FCRL4: variants seen among roughly 807,000 people sequenced by gnomAD.
FCRL4 encodes Fc receptor like 4, also known as Fc receptor-like protein 4.
In FCRL4, 43 loss-of-function variants were observed where a neutral mutation model predicts 64.1. The ratio of observed to expected loss-of-function variants is 0.67; its 90% CI spans 0.53 to 0.87. FCRL4 has a LOEUF of 0.87. Among genes scored for constraint, FCRL4 ranks in the 40% least tolerant of loss-of-function variants. The probability of loss-of-function intolerance (pLI) is 0.00; values close to 1 mark genes in which losing one functional copy is unlikely to be tolerated. For synonymous variants in FCRL4, 253 were observed against 239.8 expected, an observed-to-expected ratio of 1.05 and a Z score of -0.51; for missense variants, 656 against 613.5, an observed-to-expected ratio of 1.07 and a Z score of -0.73.
At position 157,586,253 on chromosome 1, in the gene FCRL4, T is replaced by G. The variant is rs1244389310; in HGVS notation, c.1050A>C (p.Arg350Ser). 1 of 1,614,130 alleles carries G rather than the reference T, an allele frequency of 6.2e-7. No individual in the cohort carries two copies. Among genetic ancestry groups the G allele is most frequent in the African/African-American group, 1.3e-5 (1 of 75,024 alleles). Residue 350 changes from arginine (R) to serine (S), a missense_variant, in exon 6 of 12, where the codon AGA (arginine) becomes AGC (serine). Transcript: ENST00000271532. Reference protein sequence around the residue: ...LRAELELPAIRQSHAGGYYCT... With the variant: ...LRAELELPAISQSHAGGYYCT... ...AGTAGTATCCCCCTGCATGGCTCTG[T>G]CTGATGGCAGGGAGCTCCAGCTCTG...
chr1:157,579,675 C>A (rs1652511622), intron 8 of FCRL4, among the ~76,000 whole-genome samples: 1 of 151,660 alleles, frequency 6.6e-6, no homozygotes, highest in African/African-American at 2.4e-5. Flanking sequence ...TAAGATCGTG[C>A]CACTGCACTC....
At chr1:157,577,081 G>C (rs904129376) in intron 10 of FCRL4, among the ~76,000 whole-genome samples, 2 of 152,216 alleles carry the variant, frequency 1.3e-5, no homozygotes, top group Non-Finnish European at 2.9e-5. Flanking sequence ...CCAAAGCAAG[G>C]AAGTGTGGGG....
At position 157,589,273 on chromosome 1, in the gene FCRL4, AT is replaced by A. The variant is rs1418843970; in HGVS notation, c.237del (p.Glu79AspfsTer27). The A allele has an allele frequency of 6.2e-7, 1 of 1,614,204 alleles. No individual in the cohort carries two copies. Among genetic ancestry groups the A allele is most frequent in the Admixed American group, 1.7e-5 (1 of 60,026 alleles). ...CGGGCCTGGCATCTGTACAGTCCAG[AT>A]TCCCGAACCTCGAGGGTGTTTCCTG... The part of the protein sequence containing the change: ...LTPGNTLEVR[E>X]SGLYRCQARG... On this transcript the variant is annotated frameshift_variant, in exon 3 of 12. Transcript: ENST00000271532. LOFTEE classifies it high-confidence loss of function.
chr1:157,585,367 TTTCTTTCTTTCTTTCTTTC>T (rs1402180525), intron 6 of FCRL4, among the ~76,000 whole-genome samples: 7 of 117,816 alleles, frequency 5.9e-5, no homozygotes, highest in Non-Finnish European at 8.8e-5. Context: ...TCTTTCTTTC[TTTCTTTCTTTCTTTCTTTC>T]TTTCTTTCCT....
At chr1:157,585,394 CCTTCTTTCT>C (rs1652665171) in intron 6 of FCRL4, among the ~76,000 whole-genome samples, 2 of 76,006 alleles carry the variant, frequency 2.6e-5, no homozygotes, top group South Asian at 4.1e-4. Context: ...TTCTTTCTTT[CCTTCTTTCT>C]TTCTTTCTTT....
intron 2 of FCRL4, among the ~76,000 whole-genome samples, chr1:157,593,288 G>A (rs1224359465): frequency 6.6e-6 from 1 of 152,064 alleles, no homozygotes; most frequent in East Asian, 1.9e-4. Context: ...GAAGTCCTGG[G>A]AACCACCTTT....
chr1:157,580,504 T>A (rs1652536457), intron 7 of FCRL4, 156 bp from the exon 8 acceptor site: 2 of 742,614 alleles, frequency 2.7e-6, no homozygotes, highest in African/African-American at 1.8e-5. Flanking sequence ...AAAAAAAGAT[T>A]GTACAAAGCA....
At chr1:157,586,591 A>T in intron 5 of FCRL4, 136 bp from the exon 6 acceptor site, 7 of 711,032 alleles carry the variant, frequency 9.8e-6, no homozygotes, top group African/African-American at 1.8e-5. Flanking sequence ...TGTGGCCAAT[A>T]GACCACAGAT....
In FCRL4 at chr1:157,578,775, A is replaced by G. The variant is rs78385894; in HGVS notation, c.1355T>C (p.Val452Ala). ...TCCTAGAAGGGAATCCTCACCATCA[A>G]CATACAACGACTGAAGCTCCACCTG... ...PAQVELQSLYVDVHPKKGDLV... is the reference protein window; with the variant it reads ...PAQVELQSLYADVHPKKGDLV... The change falls in exon 9 of 12, where the codon GTT (valine) becomes GCT (alanine). Residue 452 changes from valine (V) to alanine (A), a missense_variant. Physicochemically the swap from Val to Ala is moderately conservative, Grantham distance 64. Coordinates refer to ENST00000271532, the MANE Select transcript of FCRL4 (RefSeq NM_031282.3). 68 of 1,613,892 alleles carry G rather than the reference A, an allele frequency of 4.2e-5. No individual in the cohort carries two copies. The African/African-American group carries it at 7.7e-4, about 18-fold the overall frequency.
rs374800115 is a variant in FCRL4, at chr1:157,586,516, TG to T, written c.848-62del. The T allele has an allele frequency of 1.9e-5, 29 of 1,490,866 alleles. 1 individual carries two copies. The African/African-American group carries it at 3.3e-4, about 17-fold the overall frequency. The allele number at this position is 1,490,866 out of a possible 1,614,324, so 92.4% of individuals were successfully genotyped here. Reference sequence around the variant, plus strand: ...GTGAAGGAGGGCAGGGCTAGGTAGCTGGGGTGTTGGGCAGGGTTACTTTTTA... The same window carrying T: ...GTGAAGGAGGGCAGGGCTAGGTAGCTGGGTGTTGGGCAGGGTTACTTTTTA... On this transcript the variant is annotated intron_variant, in intron 5 of 11. Transcript: ENST00000271532.
intron 8 of FCRL4, 114 bp downstream of exon 8, chr1:157,580,207 A>G: frequency 9.1e-7 from 1 of 1,100,038 alleles, no homozygotes; most frequent in Non-Finnish European, 1.4e-6. Context: ...TGAAAATGGA[A>G]GTATCTAGCC....
At chr1:157,580,111 G>C (rs182972963) in intron 8 of FCRL4, among the ~76,000 whole-genome samples, 2 of 152,174 alleles carry the variant, frequency 1.3e-5, no homozygotes, top group East Asian at 3.9e-4. Context: ...GATCAAATAA[G>C]AAATCTATTA....
At chr1:157,597,245 C>G (rs1652985211) in intron 1 of FCRL4, among the ~76,000 whole-genome samples, 1 of 152,206 alleles carries the variant, frequency 6.6e-6, no homozygotes, top group South Asian at 2.1e-4. Flanking sequence ...GCCAATCACA[C>G]TAATAGGTCT....
intron 1 of FCRL4, among the ~76,000 whole-genome samples, chr1:157,597,040 C>T (rs1486765248): frequency 6.6e-6 from 1 of 152,180 alleles, no homozygotes; most frequent in African/African-American, 2.4e-5. Flanking sequence ...CACACATTAT[C>T]CTGTAACTAT....
intron 10 of FCRL4, 91 bp downstream of exon 10, chr1:157,578,383 C>T: frequency 9.2e-7 from 1 of 1,090,784 alleles, no homozygotes; most frequent in Non-Finnish European, 1.4e-6. Context: ...CCCATACTTA[C>T]AAGAATACCT....
intron 8 of FCRL4, among the ~76,000 whole-genome samples, chr1:157,579,594 G>A (rs1652504676): frequency 6.6e-6 from 1 of 152,044 alleles, no homozygotes; most frequent in South Asian, 2.1e-4. Context: ...GCTCATGCCT[G>A]TAATCCCAGC....
rs1243823047 is a variant in FCRL4 at position 157,578,762 on chromosome 1, A to G, written c.1360+8T>C. On this transcript the variant is annotated splice_region_variant and intron_variant, in intron 9 of 11. Coordinates refer to ENST00000271532, the MANE Select transcript of FCRL4 (RefSeq NM_031282.3). ...GCCAGGAACAGCTTCCTAGAAGGGA[A>G]TCCTCACCATCAACATACAACGACT... 7 of 1,613,274 alleles carry G rather than the reference A, an allele frequency of 4.3e-6. No homozygotes were observed. Among genetic ancestry groups the G allele is most frequent in the Non-Finnish European group, 5.9e-6 (7 of 1,179,404 alleles).
chr1:157,578,883 TG>T (rs758012564), intron 8 of FCRL4, 31 bp from the exon 9 acceptor site: 23 of 1,551,276 alleles, frequency 1.5e-5, no homozygotes, highest in Non-Finnish European at 2.0e-5. Flanking sequence ...TAATAATCCC[TG>T]GAACACTGTA....
At position 157,587,442 on chromosome 1, in the gene FCRL4, G is replaced by T; in HGVS notation, c.681C>A (p.Phe227Leu). Residue 227 changes from phenylalanine (F) to leucine (L), a missense_variant, in exon 5 of 12, where the codon TTC becomes TTA. Coordinates refer to ENST00000271532, the MANE Select transcript of FCRL4 (RefSeq NM_031282.3). ...TGACCTCGCCATCTCTGAAGAAGTT[G>T]AAGTGAAGTGGGGTGTCTGACCGCT... is the stretch of plus-strand genomic sequence containing the variant. The part of the protein sequence containing the change: ...PPERSDTPLH[F>L]NFFRDGEVIL... The T allele has an allele frequency of 6.2e-7, 1 of 1,614,262 alleles. No homozygotes were observed. The highest frequency in any genetic ancestry group is 8.5e-7 in the Non-Finnish European group (1 of 1,180,048).
Sources: allele counts gnomAD v4.1 joint callset (sites outside exome capture counted in the v4.1 genomes callset), GRCh38; gene constraint gnomAD v4.1.1; transcripts MANE v1.5; gene names NCBI Gene and HGNC (gene_info 2026-07-23, HGNC 2026-07-21).